Variants in RASA3 observed in about 807,000 individuals in gnomAD.
RASA3 encodes the protein ras GTPase-activating protein 3.
In RASA3, 73 loss-of-function variants were observed where a neutral mutation model predicts 110.0. The observed-to-expected ratio is 0.66, with a 90% CI of 0.55 to 0.81. The LOEUF (loss-of-function observed/expected upper bound fraction) is 0.81. Among genes scored for constraint, RASA3 ranks in the 30% least tolerant of loss-of-function variants. The pLI, the probability that RASA3 is intolerant of heterozygous loss-of-function variation, is 0.00. For missense variants in RASA3, 976 were observed against 1,113.2 expected, an observed-to-expected ratio of 0.88 and a Z score of 1.75; for synonymous variants, 500 against 451.4, an observed-to-expected ratio of 1.11 and a Z score of -1.37.
intron 11 of RASA3, 51 bp downstream of exon 11, chr13:114,018,053 T>A: frequency 1.4e-6 from 2 of 1,434,826 alleles, no homozygotes; most frequent in Non-Finnish European, 1.8e-6. Flanking sequence ...GACCTTGCCA[T>A]CCCTGTAGCG....
chr13:114,031,168 T>C (rs1172205814), intron 4 of RASA3, among the ~76,000 whole-genome samples: 1 of 151,954 alleles, frequency 6.6e-6, no homozygotes, highest in Non-Finnish European at 1.5e-5. Flanking sequence ...CAGCTGTGTG[T>C]GTCTGCCTGT....
chr13:114,073,973 A>G, intron 1 of RASA3, 136 bp from the exon 2 acceptor site: 1 of 774,266 alleles, frequency 1.3e-6, no homozygotes, highest in East Asian at 2.5e-5. Flanking sequence ...TGCCACCACA[A>G]GTCAAAATGT....
intron 3 of RASA3, among the ~76,000 whole-genome samples, chr13:114,050,277 G>A (rs1327865101): frequency 6.6e-6 from 1 of 152,116 alleles, no homozygotes; most frequent in Non-Finnish European, 1.5e-5. Flanking sequence ...AGACCCTGAA[G>A]GGGGGTCAGG....
intron 2 of RASA3, among the ~76,000 whole-genome samples, chr13:114,069,593 T>G (rs983143512): frequency 4.4e-3 from 3 of 676 alleles, no homozygotes; most frequent in Admixed American, 0.02. Flanking sequence ...GACTGGGGGG[T>G]GGGAGACTGG....
intron 1 of RASA3, among the ~76,000 whole-genome samples, chr13:114,111,938 C>A (rs954217830): frequency 1.3e-5 from 2 of 152,168 alleles, no homozygotes; most frequent in African/African-American, 4.8e-5. Flanking sequence ...TCTGTTTATG[C>A]TGGTGAAGGA....
At chr13:114,004,869 A>C (rs1594304543) in intron 18 of RASA3, among the ~76,000 whole-genome samples, 1 of 152,352 alleles carries the variant, frequency 6.6e-6, no homozygotes, top group East Asian at 1.9e-4. Context: ...CACGGAATCC[A>C]CGTGTCCACC....
At chr13:114,036,425 G>A (rs1163281788) in intron 4 of RASA3, among the ~76,000 whole-genome samples, 5 of 152,250 alleles carry the variant, frequency 3.3e-5, no homozygotes, top group African/African-American at 7.2e-5. Context: ...ATCACAGAGC[G>A]GAGGGACTCA....
chr13:113,980,051 TC>T (rs1166467686), intron 23 of RASA3, among the ~76,000 whole-genome samples: 1,240 of 72,888 alleles, frequency 0.017, 13 homozygotes, highest in Non-Finnish European at 0.027. Flanking sequence ...TCTGTGTGCC[TC>T]CTGTGTGCAC....
intron 1 of RASA3, among the ~76,000 whole-genome samples, chr13:114,098,556 G>A (rs1243054700): frequency 1.3e-5 from 2 of 152,102 alleles, no homozygotes; most frequent in Non-Finnish European, 2.9e-5. Context: ...GGGTCAGGAC[G>A]TTAAGGGTGT....
intron 1 of RASA3, among the ~76,000 whole-genome samples, chr13:114,129,586 C>A (rs557874276): frequency 2.9e-4 from 44 of 152,288 alleles, no homozygotes; most frequent in African/African-American, 9.9e-4. Context: ...AGCTCCCAAT[C>A]CCCCCAGAAA....
At chr13:113,997,539 G>A (rs1043217849) in intron 20 of RASA3, among the ~76,000 whole-genome samples, 1 of 123,456 alleles carries the variant, frequency 8.1e-6, no homozygotes, top group Non-Finnish European at 2.0e-5. Flanking sequence ...GTGGGACAGG[G>A]GTCCTGTGAT....
At chr13:114,106,301 G>A (rs374908308) in intron 1 of RASA3, among the ~76,000 whole-genome samples, 2 of 152,172 alleles carry the variant, frequency 1.3e-5, no homozygotes, top group Non-Finnish European at 2.9e-5. Flanking sequence ...AGACGCTAAC[G>A]TGCCAGGCTT....
intron 23 of RASA3, among the ~76,000 whole-genome samples, chr13:113,980,088 C>CCTT (rs2052882220): frequency 6.9e-6 from 1 of 144,060 alleles, no homozygotes; most frequent in Non-Finnish European, 1.5e-5. Context: ...TGCACCACCT[C>CCTT]CCACGTGTGT....
chr13:114,095,443 A>G (rs998299327), intron 1 of RASA3, among the ~76,000 whole-genome samples: 1 of 151,900 alleles, frequency 6.6e-6, no homozygotes, highest in Non-Finnish European at 1.5e-5. Context: ...ACCTTCTATC[A>G]CTACAGATTT....
At chr13:114,036,643 T>A (rs901094857) in intron 4 of RASA3, among the ~76,000 whole-genome samples, 1 of 152,206 alleles carries the variant, frequency 6.6e-6, no homozygotes, top group African/African-American at 2.4e-5. Context: ...GTTCAAGCGA[T>A]TCTCCTGCCT....
Position 114,025,104 on chromosome 13 carries a change from G to A in RASA3, c.604-749C>T, listed in dbSNP as rs750507852. Reference sequence around the variant, plus strand: ...CACCTGCGTTTACAAGAAGGGCTCCGTCCTGCCCGGCCTCCCTCCCTGCCC... The same window carrying A: ...CACCTGCGTTTACAAGAAGGGCTCCATCCTGCCCGGCCTCCCTCCCTGCCC... On this transcript the variant is annotated intron_variant, in intron 7 of 23. Transcript: ENST00000334062. Among the ~76,000 whole-genome samples, 157 of 152,298 alleles carry A rather than the reference G, an allele frequency of 1.0e-3. 1 individual carries two copies. The highest frequency in any genetic ancestry group is 1.7e-3 in the Non-Finnish European group (117 of 68,024).
At chr13:114,109,937 C>A (rs2080194223) in intron 1 of RASA3, among the ~76,000 whole-genome samples, 1 of 152,164 alleles carries the variant, frequency 6.6e-6, no homozygotes, top group Admixed American at 6.5e-5. Flanking sequence ...TCCCGGTGAA[C>A]GTCCCGTCTC....
chr13:114,064,742 T>G (rs2139631607), intron 2 of RASA3, among the ~76,000 whole-genome samples: 1 of 152,208 alleles, frequency 6.6e-6, no homozygotes, highest in South Asian at 2.1e-4. Context: ...CAGCTTAACC[T>G]CGGGGTATCT....
At chr13:114,076,430 G>C (rs918493938) in intron 1 of RASA3, among the ~76,000 whole-genome samples, 1 of 152,228 alleles carries the variant, frequency 6.6e-6, no homozygotes, top group Non-Finnish European at 1.5e-5. Flanking sequence ...GCCTCAGGTC[G>C]GTCATCCCAT....
Sources: allele counts gnomAD v4.1 joint callset (sites outside exome capture counted in the v4.1 genomes callset), GRCh38; gene constraint gnomAD v4.1.1; transcripts MANE v1.5; gene names NCBI Gene and HGNC (gene_info 2026-07-23, HGNC 2026-07-21).